GBP5: variants seen among roughly 807,000 people sequenced by gnomAD.
GBP5 encodes the protein guanylate binding protein 5, also known as guanylate-binding protein 5.
In GBP5, 48 loss-of-function variants were observed where a neutral mutation model predicts 58.2. That is an observed-to-expected ratio of 0.83 (90% CI 0.65 to 1.05). The LOEUF is 1.05. Ranked by LOEUF, GBP5 falls within the 50% of genes least tolerant of loss-of-function variation. GBP5 has a pLI of 0.00. For synonymous variants in GBP5, 248 were observed against 251.8 expected, an observed-to-expected ratio of 0.98 and a Z score of 0.14; for missense variants, 714 against 686.8, an observed-to-expected ratio of 1.04 and a Z score of -0.44.
chr1:89,260,549 G>T lies in GBP5; in HGVS notation c.*155C>A. 1 of 573,418 alleles carries T rather than the reference G, an allele frequency of 1.7e-6. No individual in the cohort carries two copies. 35.5% of individuals were successfully genotyped at this position (573,418 alleles called of 1,614,324 possible). ...GACTACTGGGATGTACATTTTACCAGATACCAGCATCATAATCTTATAACT... is the reference window on the plus strand; with the variant it reads ...GACTACTGGGATGTACATTTTACCATATACCAGCATCATAATCTTATAACT... On this transcript the variant is annotated 3_prime_UTR_variant, in exon 12 of 12. Coordinates refer to ENST00000370459, the MANE Select transcript of GBP5 (RefSeq NM_052942.5).
rs543597777 is a variant in GBP5 at position 89,262,160 on chromosome 1, G to A, written c.1647+60C>T. The A allele has an allele frequency of 1.0e-4, 155 of 1,513,152 alleles. 1 individual carries two copies. The South Asian group carries it at 1.5e-3, about 15-fold the overall frequency. 93.7% of individuals were successfully genotyped at this position (1,513,152 alleles called of 1,614,324 possible). On this transcript the variant is annotated intron_variant, in intron 11 of 11. Transcript: ENST00000370459. ...AAGATCTTGCTGCCTCTCCCTCTTT[G>A]CCACTGCTACATACTCTCATCGTTA...
At position 89,268,940 on chromosome 1, in the gene GBP5, A is replaced by G. The variant is rs1650334112; in HGVS notation, c.191-84T>C. 2.1e-6 allele frequency: 3 copies of G among 1,414,162 alleles called. No homozygotes were observed. The Middle Eastern group carries it at 5.3e-4, about 251-fold the overall frequency. The allele number at this position is 1,414,162 out of a possible 1,614,324, so 87.6% of individuals were successfully genotyped here. A position where few individuals can be genotyped will look rare whatever the true frequency, so the allele number is the denominator to read the frequency against. On this transcript the variant is annotated intron_variant, in intron 3 of 11. Coordinates refer to ENST00000370459, the MANE Select transcript of GBP5 (RefSeq NM_052942.5). ...TTGATCATTCAGCTAGAGTTTAAGGAAAGCAAGATGAGGAGATAGCAGAAT... is the reference window on the plus strand; with the variant it reads ...TTGATCATTCAGCTAGAGTTTAAGGGAAGCAAGATGAGGAGATAGCAGAAT...
chr1:89,262,818 G>C, intron 9 of GBP5, 33 bp from the exon 10 acceptor site: 2 of 1,219,274 alleles, frequency 1.6e-6, no homozygotes. Context: ...GTTAGATGCA[G>C]GAAATGGTGA....
chr1:89,262,080 G>A, intron 11 of GBP5, 140 bp downstream of exon 11: 3 of 750,190 alleles, frequency 4.0e-6, no homozygotes, highest in Middle Eastern at 8.0e-4. Context: ...ACTAAGAGGT[G>A]GAGCTTGGAT....
In GBP5 at chr1:89,267,401, T is replaced by C; in HGVS notation, c.428+16A>G. The C allele has an allele frequency of 1.3e-6, 2 of 1,565,876 alleles. No homozygotes were observed. Among genetic ancestry groups the C allele is most frequent in the Non-Finnish European group, 1.8e-6 (2 of 1,136,186 alleles). ...TCTGTCGGACTTTGGTGCCATCCCATACCACAAAAGGATACTGCAGTAGGT... is the reference window on the plus strand; with the variant it reads ...TCTGTCGGACTTTGGTGCCATCCCACACCACAAAAGGATACTGCAGTAGGT... On this transcript the variant is annotated intron_variant, in intron 5 of 11. Coordinates refer to ENST00000370459, the MANE Select transcript of GBP5 (RefSeq NM_052942.5).
In GBP5 at chr1:89,258,698, C is replaced by T. The variant is rs549812014; in HGVS notation, c.*2006G>A. On this transcript the variant is annotated 3_prime_UTR_variant, in exon 12 of 12. Transcript: ENST00000370459. Reference sequence around the variant, plus strand: ...AAAAATTCAAGCTCCTATCATATTACCTAAGTGGAAAATTCCTTATATGAG... The same window carrying T: ...AAAAATTCAAGCTCCTATCATATTATCTAAGTGGAAAATTCCTTATATGAG... 5.5e-4 allele frequency among the ~76,000 whole-genome samples: 84 copies of T among 152,012 alleles called. 1 individual carries two copies. The Middle Eastern group carries it at 0.01, about 19-fold the overall frequency.
chr1:89,260,043 T>C lies in GBP5; in HGVS notation c.*661A>G, dbSNP rs1249233353. Reference sequence around the variant, plus strand: ...TAGGTCAGCGGTCCCCCAACCTATTTGGCATCAGGGACCAGTTTCGTGGAA... The same window carrying C: ...TAGGTCAGCGGTCCCCCAACCTATTCGGCATCAGGGACCAGTTTCGTGGAA... On this transcript the variant is annotated 3_prime_UTR_variant, in exon 12 of 12. Transcript: ENST00000370459. 1 of 152,380 alleles carries C rather than the reference T, an allele frequency of 6.6e-6. No individual in the cohort carries two copies. The highest frequency in any genetic ancestry group is 2.1e-4 in the South Asian group (1 of 4,844). 9.4% of individuals were successfully genotyped at this position (152,380 alleles called of 1,614,324 possible). A position where few individuals can be genotyped will look rare whatever the true frequency, so the allele number is the denominator to read the frequency against.
In GBP5 at chr1:89,267,107, C is replaced by T. The variant is rs763973975; in HGVS notation, c.475G>A (p.Asp159Asn). 41 of 1,608,822 alleles carry T rather than the reference C, an allele frequency of 2.5e-5. No homozygotes were observed. The highest frequency in any genetic ancestry group is 2.8e-5 in the Non-Finnish European group (33 of 1,178,766). Reference protein sequence around the residue: ...TDLLKARNSPDLDRVEDPADS... With the variant: ...TDLLKARNSPNLDRVEDPADS... ...GCAGGATCTTCAACCCTGTCAAGGT[C>T]GGGTGAGTTTCTTGCCTTGAGCAGA... The change falls in exon 6 of 12, where the codon GAC becomes AAC. Residue 159 changes from aspartate (D) to asparagine (N), a missense_variant. Coordinates refer to ENST00000370459, the MANE Select transcript of GBP5 (RefSeq NM_052942.5).
In GBP5 at chr1:89,263,883, GC is replaced by G. The variant is rs556565480; in HGVS notation, c.1214del (p.Cys405SerfsTer12). On this transcript the variant is annotated frameshift_variant, in exon 9 of 12. Transcript: ENST00000370459. LOFTEE classifies it high-confidence loss of function. ...KRNLEASSDY[C>X]SALLKDIFGP... Reference sequence around the variant, plus strand: ...CAAAAATATCCTTAAGTAAAGCCGAGCAATAATCCGAGGATGCTTCCAGGTT... The same window carrying G: ...CAAAAATATCCTTAAGTAAAGCCGAGAATAATCCGAGGATGCTTCCAGGTT... 3.1e-3 allele frequency: 5,029 copies of G among 1,612,496 alleles called. 31 individuals are homozygous for G. Among genetic ancestry groups the G allele is most frequent in the South Asian group, 0.011 (957 of 90,980 alleles).
rs1054216634 is a variant in GBP5, at chr1:89,258,080, C to T, written c.*2624G>A. Among the ~76,000 whole-genome samples the T allele has an allele frequency of 6.6e-6, 1 of 152,154 alleles. No homozygotes were observed. The highest frequency in any genetic ancestry group is 1.5e-5 in the Non-Finnish European group (1 of 68,024). On this transcript the variant is annotated 3_prime_UTR_variant, in exon 12 of 12. Transcript: ENST00000370459. ...GTGCCTTTTCTTGTTCTTTTGCACC[C>T]AGTGACAGATCTCTAACCTGTGAGA...
In GBP5 at chr1:89,267,072, C is replaced by G. The variant is rs1251746349; in HGVS notation, c.510G>C (p.Ala170=). Residue 170 remains alanine, a synonymous_variant, in exon 6 of 12, where the codon GCG becomes GCC. Coordinates refer to ENST00000370459, the MANE Select transcript of GBP5 (RefSeq NM_052942.5). ...LDRVEDPADS[A]SFFPDLVWTL... is the part of the protein sequence containing the mutation. ...TCCACACTAAGTCTGGGAAGAAGCT[C>G]GCAGAGTCAGCAGGATCTTCAACCC... 3 of 1,612,964 alleles carry G rather than the reference C, an allele frequency of 1.9e-6. No homozygotes were observed. Among genetic ancestry groups the G allele is most frequent in the South Asian group, 1.1e-5 (1 of 90,886 alleles).
intron 11 of GBP5, among the ~76,000 whole-genome samples, chr1:89,261,456 CA>C (rs1285837660): frequency 6.6e-6 from 1 of 152,160 alleles, no homozygotes; most frequent in Non-Finnish European, 1.5e-5. Context: ...TCTGAAGAAG[CA>C]AAAACACTGC....
At chr1:89,268,076 C>G in intron 4 of GBP5, among the ~76,000 whole-genome samples, 1 of 152,208 alleles carries the variant, frequency 6.6e-6, no homozygotes, top group East Asian at 1.9e-4. Context: ...GGAGCCAACT[C>G]ATACCAACTC....
At chr1:89,269,199 C>G (rs905079356) in intron 3 of GBP5, among the ~76,000 whole-genome samples, 167 bp downstream of exon 3, 4 of 151,876 alleles carry the variant, frequency 2.6e-5, no homozygotes, top group Admixed American at 6.6e-5. Flanking sequence ...ATGTCAGGAA[C>G]AGAGAACTGG....
At chr1:89,269,001 A>G in intron 3 of GBP5, 145 bp from the exon 4 acceptor site, 1 of 795,518 alleles carries the variant, frequency 1.3e-6, no homozygotes, top group African/African-American at 1.7e-5. Flanking sequence ...TGATGCAGAA[A>G]TGGAAAAACA....
At chr1:89,262,560 T>C in intron 10 of GBP5, 123 bp downstream of exon 10, 1 of 898,660 alleles carries the variant, frequency 1.1e-6, no homozygotes, top group Non-Finnish European at 1.7e-6. Context: ...CAGATATGCT[T>C]GAGGAGCTAA....
rs1649881027 is a variant in GBP5 at position 89,258,759 on chromosome 1, T to C, written c.*1945A>G. 6.6e-6 allele frequency among the ~76,000 whole-genome samples: 1 copy of C among 152,164 alleles called. No individual in the cohort carries two copies. Among genetic ancestry groups the C allele is most frequent in the Admixed American group, 6.5e-5 (1 of 15,284 alleles). ...TAAGGGAGAAAAACAGAGCTTTGTGTAATGTTTCTATAATTTAAACAAAAA... is the reference window on the plus strand; with the variant it reads ...TAAGGGAGAAAAACAGAGCTTTGTGCAATGTTTCTATAATTTAAACAAAAA... On this transcript the variant is annotated 3_prime_UTR_variant, in exon 12 of 12. Transcript: ENST00000370459.
At position 89,269,490 on chromosome 1, in the gene GBP5, C is replaced by T. The variant is rs1650359888; in HGVS notation, c.66G>A (p.Lys22=). 4 of 1,613,932 alleles carry T rather than the reference C, an allele frequency of 2.5e-6. No individual in the cohort carries two copies. Among genetic ancestry groups the T allele is most frequent in the Non-Finnish European group, 3.4e-6 (4 of 1,179,960 alleles). Residue 22 remains lysine (K), a synonymous_variant, in exon 3 of 12, where the codon AAG becomes AAA. Transcript: ENST00000370459. ...GGATCTCCAAAGCTTCCTGATTAAC[C>T]TTCAGCTGCTCATTAAAGTTCTCGA... ...CLIENFNEQL[K]VNQEALEILS...
At chr1:89,262,608 C>A in intron 10 of GBP5, 75 bp downstream of exon 10, 1 of 1,096,126 alleles carries the variant, frequency 9.1e-7, no homozygotes, top group Non-Finnish European at 1.4e-6. Flanking sequence ...TTTAACATCC[C>A]ATGAGGGCCA....
Sources: gnomAD v4.1 joint callset for allele counts (sites outside exome capture counted in the v4.1 genomes callset) on GRCh38, gnomAD v4.1.1 for gene constraint, MANE v1.5 for transcripts, NCBI Gene and HGNC (gene_info 2026-07-23, HGNC 2026-07-21) for gene names.